Variants in ERG observed in about 807,000 individuals in gnomAD.
ERG encodes transcriptional regulator ERG.
In ERG, 9 loss-of-function variants were observed where a neutral mutation model predicts 55.3. The ratio of observed to expected loss-of-function variants is 0.16; its 90% CI spans 0.10 to 0.28. The LOEUF (loss-of-function observed/expected upper bound fraction) is 0.28, where lower values mean the gene tolerates loss of function less well. Ranked by LOEUF, ERG falls within the 10% of genes least tolerant of loss-of-function variation. ERG has a pLI of 1.00. For missense variants in ERG, 434 were observed against 631.6 expected (o/e 0.69, Z 3.35); for synonymous variants, 223 against 237.3 (o/e 0.94, Z 0.55).
At chr21:38,592,862 T>C (rs897032755) in intron 1 of ERG, among the ~76,000 whole-genome samples, 11 of 152,260 alleles carry the variant, frequency 7.2e-5, no homozygotes, top group Admixed American at 2.0e-4. Context: ...GTTGTTATTG[T>C]GGTTTGGTTT....
At chr21:38,447,122 C>A (rs115563480) in intron 1 of ERG, among the ~76,000 whole-genome samples, 1 of 151,638 alleles carries the variant, frequency 6.6e-6, no homozygotes, top group Non-Finnish European at 1.5e-5. Flanking sequence ...TCTACTCTGT[C>A]GCTCGATCCT....
intron 1 of ERG, among the ~76,000 whole-genome samples, chr21:38,495,823 C>T (rs180961338): frequency 1.3e-5 from 2 of 152,222 alleles, no homozygotes; most frequent in Admixed American, 6.5e-5. Context: ...CAGCAGGATC[C>T]CTGCAGTCTG....
chr21:38,463,083 T>C lies in ERG; in HGVS notation c.19-17462A>G, dbSNP rs183339216. Among the ~76,000 whole-genome samples, 158 of 152,288 alleles carry C rather than the reference T, an allele frequency of 1.0e-3. 1 individual carries two copies. The highest frequency in any genetic ancestry group is 0.01 in the Middle Eastern group (3 of 294). ...TTGGTACACCTGGTGCATCTCTGGA[T>C]TGGCAAGTGGCACTCCCCAATTAAT... On this transcript the variant is annotated intron_variant, in intron 1 of 9. Coordinates refer to ENST00000288319, the MANE Select transcript of ERG (RefSeq NM_182918.4).
intron 1 of ERG, among the ~76,000 whole-genome samples, chr21:38,480,550 G>A (rs1296033852): frequency 4.9e-5 from 5 of 102,944 alleles, no homozygotes; most frequent in Admixed American, 1.1e-4. Context: ...TGTGGATGCT[G>A]TTTTTAACAA....
chr21:38,408,414 AC>A (rs1988875220), intron 3 of ERG, among the ~76,000 whole-genome samples: 1 of 152,034 alleles, frequency 6.6e-6, no homozygotes. Context: ...CCTCACCTAC[AC>A]TCACGACCTC....
intron 2 of ERG, among the ~76,000 whole-genome samples, chr21:38,575,053 G>A (rs1466498157): frequency 6.6e-6 from 1 of 152,148 alleles, no homozygotes; most frequent in Non-Finnish European, 1.5e-5. Flanking sequence ...GGCACAAGTC[G>A]CACTTCCTCA....
At chr21:38,529,085 T>C (rs2059653163) in intron 2 of ERG, among the ~76,000 whole-genome samples, 2 of 150,290 alleles carry the variant, frequency 1.3e-5, no homozygotes, top group Admixed American at 1.3e-4. Context: ...CACAGCAGAG[T>C]GAGCCAGTGG....
chr21:38,600,710 T>C (rs1051432531), intron 1 of ERG, among the ~76,000 whole-genome samples: 3 of 152,198 alleles, frequency 2.0e-5, no homozygotes, highest in Admixed American at 6.5e-5. Context: ...ACAGAACCAG[T>C]TGAATGTAGA....
the ERG span, among the ~76,000 whole-genome samples, chr21:38,371,492 G>C: frequency 6.6e-6 from 1 of 151,898 alleles, no homozygotes; most frequent in Non-Finnish European, 1.5e-5. Flanking sequence ...ATAGCTTTAT[G>C]TGAAATATTT....
chr21:38,597,022 T>A (rs988680931), intron 1 of ERG, among the ~76,000 whole-genome samples: 1 of 152,214 alleles, frequency 6.6e-6, no homozygotes, highest in Non-Finnish European at 1.5e-5. Context: ...CTTCCTTTTA[T>A]CCAGGAGAGC....
intron 2 of ERG, among the ~76,000 whole-genome samples, chr21:38,505,588 A>C (rs2059454526): frequency 6.6e-6 from 1 of 152,242 alleles, no homozygotes; most frequent in Non-Finnish European, 1.5e-5. Flanking sequence ...TGCAGTGTTC[A>C]AGGAGTACTA....
intron 1 of ERG, among the ~76,000 whole-genome samples, chr21:38,580,160 C>T (rs1254487050): frequency 5.9e-5 from 9 of 151,370 alleles, no homozygotes; most frequent in South Asian, 2.1e-4. Flanking sequence ...TTCACCGTGT[C>T]GGCCAGATGG....
Position 38,402,580 on chromosome 21 carries a change from C to T in ERG, c.650G>A (p.Arg217Gln), listed in dbSNP as rs769456407. The change falls in exon 5 of 10, where the codon CGG becomes CAG. Residue 217 changes from arginine to glutamine, a missense_variant. Physicochemically the swap from Arg to Gln is conservative, Grantham distance 43. Around this residue, in one of 5 missense-constraint regions of ERG, gnomAD observed 99 missense variants for 145.6 expected, o/e 0.68. Coordinates refer to ENST00000288319, the MANE Select transcript of ERG (RefSeq NM_182918.4). ...DVDKALQNSP[R>Q]LMHARNTGGA... ...ACCTGTGTTTCTAGCATGCATTAAC[C>T]GTGGAGAGTTTTGTAAGGCTTTATC... The T allele has an allele frequency of 2.5e-5, 41 of 1,610,760 alleles. No individual in the cohort carries two copies. The highest frequency in any genetic ancestry group is 2.0e-4 in the East Asian group (9 of 44,702).
upstream of ERG, among the ~76,000 whole-genome samples, chr21:38,503,341 T>C (rs956615338): frequency 6.6e-6 from 1 of 151,750 alleles, no homozygotes; most frequent in Non-Finnish European, 1.5e-5. Flanking sequence ...CTGTTCTTTT[T>C]TAAATGTCTA....
chr21:38,447,739 GTT>G (rs1361749149), intron 1 of ERG, among the ~76,000 whole-genome samples: 3 of 152,046 alleles, frequency 2.0e-5, no homozygotes, highest in Non-Finnish European at 4.4e-5. Flanking sequence ...TGGCTAGTGT[GTT>G]TTACAGGCTC....
intron 1 of ERG, among the ~76,000 whole-genome samples, chr21:38,593,929 A>C (rs934267783): frequency 6.6e-6 from 1 of 152,198 alleles, no homozygotes; most frequent in African/African-American, 2.4e-5. Flanking sequence ...CTTTCCTAAG[A>C]AAAATCAAGC....
At chr21:38,513,229 A>G (rs2059527841) in intron 2 of ERG, among the ~76,000 whole-genome samples, 1 of 152,160 alleles carries the variant, frequency 6.6e-6, no homozygotes, top group African/African-American at 2.4e-5. Flanking sequence ...TCATTGAGAC[A>G]AGAGTATTTA....
intron 1 of ERG, among the ~76,000 whole-genome samples, chr21:38,645,982 T>C (rs2060453623): frequency 6.6e-6 from 1 of 152,084 alleles, no homozygotes; most frequent in Non-Finnish European, 1.5e-5. Context: ...ACCATTCTCT[T>C]AGAAACCTAG....
At chr21:38,469,130 T>C (rs2059118456) in intron 1 of ERG, among the ~76,000 whole-genome samples, 1 of 151,784 alleles carries the variant, frequency 6.6e-6, no homozygotes, top group African/African-American at 2.4e-5. Context: ...ATTTACATTA[T>C]AGAAGGGCTT....
Sources: allele counts gnomAD v4.1 joint callset (sites outside exome capture counted in the v4.1 genomes callset), GRCh38; gene constraint gnomAD v4.1.1; regional missense constraint gnomAD v4.1.1; transcripts MANE v1.5; gene names NCBI Gene and HGNC (gene_info 2026-07-23, HGNC 2026-07-21).